The following MUC4 variants were observed in gnomAD, a reference collection of about 807,000 sequenced individuals.
The protein encoded by MUC4 is mucin 4, cell surface associated.
MUC4 carries 202 observed loss-of-function variants against 257.9 expected under a neutral mutation model. The ratio of observed to expected loss-of-function variants is 0.78; its 90% CI spans 0.70 to 0.88. The LOEUF (loss-of-function observed/expected upper bound fraction) is 0.88, where lower values mean the gene tolerates loss of function less well. MUC4 is among the 40% of genes least tolerant of loss of function. The pLI, the probability that MUC4 is intolerant of heterozygous loss-of-function variation, is 0.00. For synonymous variants in MUC4, 2,351 were observed against 2,757.1 expected, an observed-to-expected ratio of 0.85 and a Z score of 4.62; for missense variants, 5,976 against 6,513.7, an observed-to-expected ratio of 0.92 and a Z score of 2.84.
rs1448922572 is a variant in MUC4, at chr3:195,806,536, G to T, written c.82+5200C>A. ...GGCCACGTCTGTTTCACTCTTCACT[G>T]TGTGCATCCAGTGCTGTGTCCTAGA... On this transcript the variant is annotated intron_variant, in intron 1 of 24. Coordinates refer to ENST00000463781, the MANE Select transcript of MUC4 (RefSeq NM_018406.7). Among the ~76,000 whole-genome samples the T allele has an allele frequency of 2.0e-5, 3 of 152,234 alleles. No homozygotes were observed. The East Asian group carries it at 5.8e-4, about 29-fold the overall frequency.
chr3:195,763,774 C>T (rs1719763691), intron 11 of MUC4, 133 bp from the exon 12 acceptor site: 3 of 1,065,260 alleles, frequency 2.8e-6, no homozygotes, highest in East Asian at 2.6e-5. Context: ...GACTGGGGCA[C>T]TTGTCCGGGC....
In MUC4 at chr3:195,786,508, G is replaced by C; in HGVS notation, c.5072C>G (p.Thr1691Arg). The C allele has an allele frequency of 3.3e-6, 5 of 1,527,214 alleles. No homozygotes were observed. Among genetic ancestry groups the C allele is most frequent in the Middle Eastern group, 2.2e-4 (1 of 4,470 alleles). The allele number at this position is 1,527,214 out of a possible 1,614,324, so 94.6% of individuals were successfully genotyped here. A position where few individuals can be genotyped will look rare whatever the true frequency, so the allele number is the denominator to read the frequency against. ...LPVTGLSSAT[T>R]DDTTRLPVTD... Reference sequence around the variant, plus strand: ...GACAGGAAGACGGGTGGTGTCATCTGTGGTAGCTGAGGAAAGGCCGGTGAC... The same window carrying C: ...GACAGGAAGACGGGTGGTGTCATCTCTGGTAGCTGAGGAAAGGCCGGTGAC... The change falls in exon 2 of 25, where the codon ACA becomes AGA. Residue 1691 changes from threonine to arginine, a missense_variant. Thr to Arg is a moderately conservative substitution (Grantham distance 71). Coordinates refer to ENST00000463781, the MANE Select transcript of MUC4 (RefSeq NM_018406.7).
chr3:195,747,445 T>G, intron 24 of MUC4, 65 bp from the exon 25 acceptor site: 1 of 1,535,804 alleles, frequency 6.5e-7, no homozygotes. Context: ...CCCCTCCTCT[T>G]CTGCTGGGGA....
In MUC4 at chr3:195,778,771, C is replaced by T. The variant is rs746736982; in HGVS notation, c.12790+19G>A. The stretch of plus-strand genomic sequence containing the variant: ...AGGGGCCCACTGGGAGACATAAAGG[C>T]GAGGCAGTTGGCAGCTACCTGGTGT... On this transcript the variant is annotated intron_variant, in intron 2 of 24. Coordinates refer to ENST00000463781, the MANE Select transcript of MUC4 (RefSeq NM_018406.7). The T allele has an allele frequency of 1.1e-5, 18 of 1,594,558 alleles. No homozygotes were observed. Among genetic ancestry groups the T allele is most frequent in the East Asian group, 4.5e-5 (2 of 44,566 alleles).
chr3:195,771,845 T>G, intron 4 of MUC4, 29 bp from the exon 5 acceptor site: 1 of 1,607,324 alleles, frequency 6.2e-7, no homozygotes, highest in African/African-American at 1.3e-5. Context: ...TGGTCAGCAT[T>G]CAGGGAGGGA....
intron 3 of MUC4, among the ~76,000 whole-genome samples, chr3:195,776,030 CCTTCCACGGCCATAA>C (rs1724584544): frequency 2.5e-5 from 1 of 40,676 alleles, no homozygotes; most frequent in African/African-American, 1.5e-4. Context: ...CACATCCATA[CCTTCCACGGCCATAA>C]CTTCCACACC....
At chr3:195,795,620 A>G (rs1021428868) in intron 1 of MUC4, among the ~76,000 whole-genome samples, 6 of 152,018 alleles carry the variant, frequency 3.9e-5, no homozygotes, top group Non-Finnish European at 7.4e-5. Context: ...AGGAAGCAAG[A>G]CCCTCGGTCA....
chr3:195,770,602 A>C, intron 5 of MUC4: 1 of 582,352 alleles, frequency 1.7e-6, no homozygotes. Flanking sequence ...CCAGACGTCC[A>C]AGACCTCTGG....
intron 1 of MUC4, among the ~76,000 whole-genome samples, chr3:195,805,239 C>T (rs1347026725): frequency 6.6e-6 from 1 of 152,160 alleles, no homozygotes; most frequent in African/African-American, 2.4e-5. Flanking sequence ...CACCCCAACC[C>T]ATGGATCCCA....
chr3:195,803,801 G>T lies in MUC4; in HGVS notation c.82+7935C>A, dbSNP rs139818718. 3.8e-3 allele frequency among the ~76,000 whole-genome samples: 574 copies of T among 152,316 alleles called. 4 individuals are homozygous for T. The highest frequency in any genetic ancestry group is 0.013 in the African/African-American group (556 of 41,556). On this transcript the variant is annotated intron_variant, in intron 1 of 24. Coordinates refer to ENST00000463781, the MANE Select transcript of MUC4 (RefSeq NM_018406.7). ...GAAGCTGCGAGCTGCTCAGCTCTGGGACTGCCACCGAGTGGATGGAGAGCT... is the reference window on the plus strand; with the variant it reads ...GAAGCTGCGAGCTGCTCAGCTCTGGTACTGCCACCGAGTGGATGGAGAGCT...
In MUC4 at chr3:195,757,156, G is replaced by A. The variant is rs976306104; in HGVS notation, c.15159C>T (p.Ser5053=). ...LYNQTSRVGN[S]SLEVAGCKCD... The stretch of plus-strand genomic sequence containing the variant: ...ACCTCCCAACACTCACCTCCAGGGA[G>A]GAGTTGCCCACCCTGCTGGTCTGAT... Residue 5053 remains serine (S), a synonymous_variant, in exon 18 of 25, where the codon TCC becomes TCT. Coordinates refer to ENST00000463781, the MANE Select transcript of MUC4 (RefSeq NM_018406.7). The surrounding 1 kb of genome is among the most constrained non-coding windows in gnomAD (Gnocchi z 4.8). 1 of 1,594,528 alleles carries A rather than the reference G, an allele frequency of 6.3e-7. No homozygotes were observed. The highest frequency in any genetic ancestry group is 1.1e-5 in the South Asian group (1 of 90,532).
At chr3:195,752,986 G>T in intron 20 of MUC4, 65 bp downstream of exon 20, 1 of 1,380,198 alleles carries the variant, frequency 7.2e-7, no homozygotes. Context: ...TGGGCGGAGT[G>T]CGGGGGTGAG....
At chr3:195,797,341 A>G (rs1398141105) in intron 1 of MUC4, among the ~76,000 whole-genome samples, 2 of 152,164 alleles carry the variant, frequency 1.3e-5, no homozygotes, top group African/African-American at 4.8e-5. Context: ...GAAATGCAAG[A>G]TAAAGACAAT....
chr3:195,765,763 TGG>T (rs1041191998), intron 8 of MUC4, among the ~76,000 whole-genome samples: 1 of 152,228 alleles, frequency 6.6e-6, no homozygotes, highest in African/African-American at 2.4e-5. Context: ...TCTTTCCCAT[TGG>T]GGCCTCTGGA....
At chr3:195,756,528 TTTTC>T (rs201250009) in intron 18 of MUC4, among the ~76,000 whole-genome samples, 7,059 of 151,930 alleles carry the variant, frequency 0.046, 199 homozygotes, top group African/African-American at 0.074. Flanking sequence ...CTTCCTTCCT[TTTTC>T]TTTCTTTCGT....
Position 195,757,983 on chromosome 3 carries a change from TG to T in MUC4, c.14987-656del, listed in dbSNP as rs1193453195. Among the ~76,000 whole-genome samples the T allele has an allele frequency of 6.6e-6, 1 of 152,184 alleles. No individual in the cohort carries two copies. Among genetic ancestry groups the T allele is most frequent in the Admixed American group, 6.5e-5 (1 of 15,282 alleles). ...CCTCTCAGTGCCATTGTCTCGCACC[TG>T]GGAGGACGCACATGGGGCAAAAGGG... On this transcript the variant is annotated intron_variant, in intron 17 of 24. Coordinates refer to ENST00000463781, the MANE Select transcript of MUC4 (RefSeq NM_018406.7). This position sits in a 1 kb window ranked among gnomAD's most constrained non-coding sequence, Gnocchi z 4.8.
At chr3:195,753,847 G>C (rs893846527) in intron 19 of MUC4, 3 of 252,960 alleles carry the variant, frequency 1.2e-5, no homozygotes, top group African/African-American at 6.7e-5. Flanking sequence ...GGATCCCGAG[G>C]ACCCAGCTTG....
chr3:195,754,821 T>C (rs111978843), intron 18 of MUC4, among the ~76,000 whole-genome samples: 6,038 of 24,238 alleles, frequency 0.25, 397 homozygotes, highest in African/African-American at 0.34. Flanking sequence ...TATCCATGTG[T>C]GTATCCATGT....
chr3:195,762,663 G>GGGCCCTGCACCGCCACGCGCCC (rs1719400978), intron 13 of MUC4, among the ~76,000 whole-genome samples, 192 bp downstream of exon 13: 1 of 16,062 alleles, frequency 6.2e-5, no homozygotes, highest in Non-Finnish European at 1.8e-4. Flanking sequence ...GCCACGCACC[G>GGGCCCTGCACCGCCACGCGCCC]GGCCCTGCAC....
Sources: allele counts gnomAD v4.1 joint callset (sites outside exome capture counted in the v4.1 genomes callset), GRCh38; gene constraint gnomAD v4.1.1; non-coding constraint Gnocchi (gnomAD v3.1); transcripts MANE v1.5; gene names NCBI Gene and HGNC (gene_info 2026-07-23, HGNC 2026-07-21).